The following MED22 variants were observed in gnomAD, a reference collection of about 807,000 sequenced individuals.
MED22 encodes the protein mediator of RNA polymerase II transcription subunit 22.
MED22 carries 22 observed loss-of-function variants against 22.7 expected under a neutral mutation model. That is an observed-to-expected ratio of 0.97 (90% CI 0.69 to 1.38). The LOEUF (loss-of-function observed/expected upper bound fraction) is 1.38. Ranked by LOEUF, MED22 falls within the 40% of genes most tolerant of loss-of-function variation. The pLI is 0.00. For missense variants in MED22, 247 were observed against 263.0 expected, an observed-to-expected ratio of 0.94 and a Z score of 0.42; for synonymous variants, 134 against 119.4, an observed-to-expected ratio of 1.12 and a Z score of -0.80.
chr9:133,345,054 C>T (rs1836139558), intron 3 of MED22, 118 bp downstream of exon 3: 1 of 954,662 alleles, frequency 1.0e-6, no homozygotes, highest in East Asian at 2.5e-5. Flanking sequence ...CCTCCTTCTG[C>T]TCCTTCTCGG....
intron 2 of MED22, among the ~76,000 whole-genome samples, chr9:133,345,737 GC>G (rs904244515): frequency 1.3e-5 from 2 of 152,072 alleles, no homozygotes; most frequent in African/African-American, 4.8e-5. Context: ...CAGAAGCCTG[GC>G]CTGCCACCCC....
chr9:133,343,114 T>C, intron 4 of MED22: 2 of 1,015,552 alleles, frequency 2.0e-6, no homozygotes, highest in Middle Eastern at 4.8e-4. Context: ...TGGAAAACTC[T>C]AGGACTGCTG....
rs2129949762 is a variant in MED22 at position 133,341,634 on chromosome 9, G to A, written c.474C>T (p.Leu158=). The A allele has an allele frequency of 6.2e-6, 10 of 1,605,334 alleles. No individual in the cohort carries two copies. The highest frequency in any genetic ancestry group is 4.6e-5 in the East Asian group (2 of 43,934). ...PLCEAYGRLD[L]DTDSADGLSA... is the part of the protein sequence containing the mutation. ...AGAGGCCATCAGCAGAGTCTGTGTC[G>A]AGGTCCAGCCTCCCGTAAGCTTCGC... Residue 158 remains leucine (L), a synonymous_variant, in exon 5 of 5, where the codon CTC becomes CTT. Transcript: ENST00000343730.
rs146196157 is a variant in MED22 at position 133,339,805 on chromosome 9, G to A, written c.*1700C>T. The A allele has an allele frequency of 7.6e-4, 125 of 165,262 alleles. No homozygotes were observed. The highest frequency in any genetic ancestry group is 3.1e-3 in the Middle Eastern group (1 of 326). 10.2% of individuals were successfully genotyped at this position (165,262 alleles called of 1,614,324 possible). ...ATGGAGACAAAACCTGTCTGACGTA[G>A]GCCCAAGAGAGAACTGCAAATGGTT... On this transcript the variant is annotated 3_prime_UTR_variant, in exon 5 of 5. Coordinates refer to ENST00000343730, the MANE Select transcript of MED22 (RefSeq NM_133640.5).
In MED22 at chr9:133,339,794, T is replaced by TGG. The variant is rs1280854211; in HGVS notation, c.*1710_*1711insCC. 5.8e-6 allele frequency: 1 copy of TGG among 173,460 alleles called. No homozygotes were observed. Among genetic ancestry groups the TGG allele is most frequent in the African/African-American group, 2.4e-5 (1 of 41,658 alleles). 10.7% of individuals were successfully genotyped at this position (173,460 alleles called of 1,614,324 possible). On this transcript the variant is annotated 3_prime_UTR_variant, in exon 5 of 5. Transcript: ENST00000343730. ...TTGCTAGAGTCATGGAGACAAAACC[T>TGG]GTCTGACGTAGGCCCAAGAGAGAAC... is the stretch of plus-strand genomic sequence containing the variant.
chr9:133,339,312 A>G lies in MED22; in HGVS notation c.*2193T>C, dbSNP rs1588676456. The G allele has an allele frequency of 1.8e-5, 13 of 707,774 alleles. No homozygotes were observed. In the East Asian group the frequency reaches 3.6e-4, roughly 20 times the overall value. The allele number at this position is 707,774 out of a possible 1,614,324, so 43.8% of individuals were successfully genotyped here. ...CCGAGAGAGCTTCCTGAAACGCGTG[A>G]AGGAAAATGATCAGAAAAAGAGGGA... On this transcript the variant is annotated 3_prime_UTR_variant, in exon 5 of 5. Coordinates refer to ENST00000343730, the MANE Select transcript of MED22 (RefSeq NM_133640.5).
chr9:133,345,239 G>A lies in MED22; in HGVS notation c.137C>T (p.Thr46Met), dbSNP rs1836146240. 3.1e-6 allele frequency: 5 copies of A among 1,613,846 alleles called. No individual in the cohort carries two copies. Among genetic ancestry groups the A allele is most frequent in the Non-Finnish European group, 2.5e-6 (3 of 1,179,986 alleles). Residue 46 changes from threonine to methionine, a missense_variant, in exon 3 of 5, where the codon ACG becomes ATG. Physicochemically the swap from Thr to Met is moderately conservative, Grantham distance 81. Transcript: ENST00000343730. ...IIKTAKIEDE[T>M]QVSRATQGEQ... Reference sequence around the variant, plus strand: ...ACCCTGAGTGGCCCGTGACACCTGCGTCTCGTCCTCAATCTGGGGGAAAAC... The same window carrying A: ...ACCCTGAGTGGCCCGTGACACCTGCATCTCGTCCTCAATCTGGGGGAAAAC...
intron 2 of MED22, among the ~76,000 whole-genome samples, chr9:133,345,931 G>A (rs1836167300): frequency 6.6e-6 from 1 of 152,212 alleles, no homozygotes; most frequent in African/African-American, 2.4e-5. Flanking sequence ...CTGGGCCTGG[G>A]TTTCCTCCTG....
rs1836249350 is a variant in MED22 at position 133,348,001 on chromosome 9, C to T, written c.-118G>A. 5.1e-6 allele frequency: 3 copies of T among 592,394 alleles called. No individual in the cohort carries two copies. The South Asian group carries it at 5.7e-5, about 11-fold the overall frequency. 36.7% of individuals were successfully genotyped at this position (592,394 alleles called of 1,614,324 possible). On this transcript the variant is annotated 5_prime_UTR_variant, in exon 1 of 5. Coordinates refer to ENST00000343730, the MANE Select transcript of MED22 (RefSeq NM_133640.5). ...GGTGGTCAAGTGCCTCTGCGACCCG[C>T]ACTTTCCCGCGTCTCTCCCACGGCC...
At position 133,344,174 on chromosome 9, in the gene MED22, C is replaced by T. The variant is rs1157201932; in HGVS notation, c.364G>A (p.Glu122Lys). The change falls in exon 4 of 5, where the codon GAG (glutamate) becomes AAG (lysine). Residue 122 changes from glutamate to lysine, a missense_variant. Physicochemically the swap from Glu to Lys is moderately conservative, Grantham distance 56. Transcript: ENST00000343730. ...CDRKLITLRDEISIDLYELEE... is the reference protein window; with the variant it reads ...CDRKLITLRDKISIDLYELEE... ...AGCTCGTAGAGGTCAATGGAGATCT[C>T]GTCTCGCAGCGTGATGAGCTTCCGG... 24 of 1,614,062 alleles carry T rather than the reference C, an allele frequency of 1.5e-5. No homozygotes were observed. Among genetic ancestry groups the T allele is most frequent in the East Asian group, 2.2e-5 (1 of 44,896 alleles).
At position 133,341,501 on chromosome 9, in the gene MED22, A is replaced by G; in HGVS notation, c.*4T>C. On this transcript the variant is annotated 3_prime_UTR_variant, in exon 5 of 5. Transcript: ENST00000343730. ...TCCTGAGAACGAAGCGTGGCCCCGG[A>G]GGCTCAGGCGTGCTCAGTGGGGCCA... is the stretch of plus-strand genomic sequence containing the variant. 2 of 1,488,576 alleles carry G rather than the reference A, an allele frequency of 1.3e-6. No individual in the cohort carries two copies. The highest frequency in any genetic ancestry group is 1.8e-6 in the Non-Finnish European group (2 of 1,127,604). 92.2% of individuals were successfully genotyped at this position (1,488,576 alleles called of 1,614,324 possible).
chr9:133,341,549 CA>C lies in MED22; in HGVS notation c.558del (p.Ala187ProfsTer28), dbSNP rs1836003929. On this transcript the variant is annotated frameshift_variant, in exon 5 of 5. Transcript: ENST00000343730. LOFTEE classifies it high-confidence loss of function. ...PSAGPLQVAA[P>X]AHSHAGGPGP... ...CCAGGGCCACCAGCATGGGAGTGGG[CA>C]GGGGCTGCCACCTGTAGGGGGCCAG... The C allele has an allele frequency of 6.4e-7, 1 of 1,551,996 alleles. No individual in the cohort carries two copies. Among genetic ancestry groups the C allele is most frequent in the South Asian group, 1.2e-5 (1 of 81,016 alleles).
intron 4 of MED22, chr9:133,343,390 C>T (rs1836072110): frequency 9.0e-6 from 11 of 1,227,906 alleles, no homozygotes; most frequent in Middle Eastern, 3.1e-4. Flanking sequence ...GTAAATGATA[C>T]GTAGACTCTG....
At chr9:133,342,221 AG>A (rs1836025870) in intron 4 of MED22, 2 of 986,548 alleles carry the variant, frequency 2.0e-6, no homozygotes, top group South Asian at 9.3e-5. Context: ...TACATCAGCC[AG>A]GCGGCCTCCA....
At position 133,346,704 on chromosome 9, in the gene MED22, G is replaced by C; in HGVS notation, c.-38-4C>G. ...GCGCAGCGGGGAGACCTGGGACCTA[G>C]AGTGCAGCACAGACCTCTGAGTGCA... On this transcript the variant is annotated splice_region_variant and splice_polypyrimidine_tract_variant and intron_variant, in intron 1 of 4. Coordinates refer to ENST00000343730, the MANE Select transcript of MED22 (RefSeq NM_133640.5). The C allele has an allele frequency of 1.2e-6, 2 of 1,604,086 alleles. No homozygotes were observed. The highest frequency in any genetic ancestry group is 1.7e-6 in the Non-Finnish European group (2 of 1,178,842).
At chr9:133,342,904 C>T in intron 4 of MED22, 2 of 985,576 alleles carry the variant, frequency 2.0e-6, no homozygotes, top group Non-Finnish European at 2.4e-6. Flanking sequence ...ATTACAGGCC[C>T]ACAGCTGCTC....
At position 133,339,175 on chromosome 9, in the gene MED22, G is replaced by T. The variant is rs1835953896; in HGVS notation, c.*2330C>A. ...ACAAATGTCACCATGGCTAGACTGG[G>T]AGAGTCTACAGTGTTCCCCAGCATG... On this transcript the variant is annotated 3_prime_UTR_variant, in exon 5 of 5. Transcript: ENST00000343730. The T allele has an allele frequency of 1.5e-6, 1 of 684,724 alleles. No homozygotes were observed. Among genetic ancestry groups the T allele is most frequent in the Non-Finnish European group, 2.7e-6 (1 of 367,864 alleles). The allele number at this position is 684,724 out of a possible 1,614,324, so 42.4% of individuals were successfully genotyped here. A position where few individuals can be genotyped will look rare whatever the true frequency, so the allele number is the denominator to read the frequency against.
At chr9:133,344,029 G>C in intron 4 of MED22, 96 bp downstream of exon 4, 1 of 1,572,728 alleles carries the variant, frequency 6.4e-7, no homozygotes. Flanking sequence ...GCTAAGACCA[G>C]CAAGAATTTG....
At chr9:133,345,933 T>C (rs1309549779) in intron 2 of MED22, among the ~76,000 whole-genome samples, 1 of 152,206 alleles carries the variant, frequency 6.6e-6, no homozygotes, top group African/African-American at 2.4e-5. Flanking sequence ...GGGCCTGGGT[T>C]TCCTCCTGAA....
Sources: allele counts gnomAD v4.1 joint callset (sites outside exome capture counted in the v4.1 genomes callset), GRCh38; gene constraint gnomAD v4.1.1; transcripts MANE v1.5; gene names NCBI Gene and HGNC (gene_info 2026-07-23, HGNC 2026-07-21).